Variants in PZP observed in about 807,000 individuals in gnomAD.
PZP encodes pregnancy zone protein.
Under a neutral mutation model 179.8 loss-of-function variants are expected in PZP, and 150 were observed. The observed-to-expected ratio is 0.83, with a 90% CI of 0.73 to 0.96. The LOEUF is 0.96. Ranked by LOEUF, PZP falls within the 40% of genes least tolerant of loss-of-function variation. PZP has a pLI of 0.00. For missense variants in PZP, 1,689 were observed against 1,764.0 expected, an observed-to-expected ratio of 0.96 and a Z score of 0.76; for synonymous variants, 624 against 652.3, an observed-to-expected ratio of 0.96 and a Z score of 0.66.
At chr12:9,167,157 T>C (rs1941644517) in intron 17 of PZP, 1 of 152,246 alleles carries the variant, frequency 6.6e-6, no homozygotes, top group South Asian at 2.1e-4. Context: ...TTCACTCTTA[T>C]CTTAAATATT....
chr12:9,187,762 G>A (rs10771404), intron 13 of PZP, among the ~76,000 whole-genome samples: 85,237 of 152,040 alleles, frequency 0.56, 23,936 homozygotes, highest in Admixed American at 0.63. Context: ...CATCACAACT[G>A]AAAGAACTAG....
At chr12:9,204,072 T>G in intron 1 of PZP, 121 bp from the exon 2 acceptor site, 4 of 1,019,964 alleles carry the variant, frequency 3.9e-6, no homozygotes, top group Non-Finnish European at 5.7e-6. Context: ...TAAAAGTCAA[T>G]GGACTAAGTC....
chr12:9,197,093 A>G lies in PZP; in HGVS notation c.786T>C (p.Leu262=), dbSNP rs145225152. 1.3e-4 allele frequency: 217 copies of G among 1,613,156 alleles called. No homozygotes were observed. The highest frequency in any genetic ancestry group is 8.2e-4 in the Middle Eastern group (5 of 6,076). ...EYTYGKPVPG[L]ATVSLCRKLS... is the part of the protein sequence containing the mutation. Reference sequence around the variant, plus strand: ...ATTTTCTACACAGGCTCACAGTTGCAAGTCCTGGGACAGGCTTCCCATAAG... The same window carrying G: ...ATTTTCTACACAGGCTCACAGTTGCGAGTCCTGGGACAGGCTTCCCATAAG... Residue 262 remains leucine, a synonymous_variant, in exon 8 of 36, where the codon CTT becomes CTC. Coordinates refer to ENST00000261336, the MANE Select transcript of PZP (RefSeq NM_002864.3).
intron 15 of PZP, among the ~76,000 whole-genome samples, chr12:9,173,668 C>T (rs774776181): frequency 3.3e-5 from 5 of 152,132 alleles, no homozygotes; most frequent in East Asian, 1.9e-4. Flanking sequence ...CTCACAGAAA[C>T]GCAAACAACC....
intron 25 of PZP, among the ~76,000 whole-genome samples, chr12:9,159,651 G>A (rs542586736): frequency 4.0e-5 from 6 of 151,790 alleles, no homozygotes; most frequent in Non-Finnish European, 8.8e-5. Flanking sequence ...AAGAAAAGAA[G>A]AGAAGGAGAG....
chr12:9,198,294 G>A (rs1943953719), intron 7 of PZP, among the ~76,000 whole-genome samples: 1 of 152,048 alleles, frequency 6.6e-6, no homozygotes, highest in Non-Finnish European at 1.5e-5. Flanking sequence ...TGAGGCTACA[G>A]TGAGCTAAGA....
At chr12:9,204,981 C>T (rs10843144) in intron 1 of PZP, among the ~76,000 whole-genome samples, 51,897 of 151,650 alleles carry the variant, frequency 0.34, 8,872 homozygotes, top group East Asian at 0.44. Flanking sequence ...GCTGTAGTAG[C>T]AGTTACTCAG....
At chr12:9,137,260 T>C in the PZP span, among the ~76,000 whole-genome samples, 18 of 152,198 alleles carry the variant, frequency 1.2e-4, no homozygotes, top group Non-Finnish European at 2.2e-4. Flanking sequence ...TATACAGTTT[T>C]CTCCACACCA....
chr12:9,185,790 A>AATTCTTTTCTTTTCTTTTCTTTTCT (rs1943062751), intron 13 of PZP, among the ~76,000 whole-genome samples: 7 of 134,320 alleles, frequency 5.2e-5, no homozygotes, highest in Non-Finnish European at 1.1e-4. Context: ...TATGTTCAAC[A>AATTCTTTTCTTTTCTTTTCTTTTCT]TTTCTTTTCT....
In PZP at chr12:9,153,266, G is replaced by A. The variant is rs1247640434; in HGVS notation, c.3852C>T (p.Val1284=). 6.2e-7 allele frequency: 1 copy of A among 1,614,164 alleles called. No homozygotes were observed. Among genetic ancestry groups the A allele is most frequent in the East Asian group, 2.2e-5 (1 of 44,884 alleles). ...TFTRTEKTAQ[V]TVQDSQTFST... is the part of the protein sequence containing the mutation. ...AAAAGGTCTGTGAATCCTGAACGGT[G>A]ACCTGTGCAGTTTTCTCAGTTCTGG... The change falls in exon 30 of 36, where the codon GTC becomes GTT. Residue 1284 remains valine, a synonymous_variant. Coordinates refer to ENST00000261336, the MANE Select transcript of PZP (RefSeq NM_002864.3).
rs1648957722 is a variant in PZP, at chr12:9,154,627, A to G, written c.3763T>C (p.Ser1255Pro). The change falls in exon 29 of 36, where the codon TCC (serine) becomes CCC (proline). Residue 1255 changes from serine to proline, a missense_variant. Ser to Pro is a moderately conservative substitution (Grantham distance 74). Around this residue, in one of 3 missense-constraint regions of PZP, gnomAD observed 746 missense variants for 749.2 expected, o/e 1.00. Coordinates refer to ENST00000261336, the MANE Select transcript of PZP (RefSeq NM_002864.3). Reference sequence around the variant, plus strand: ...TGGGAACCACTGACCTGGGTGGAGGAGAAACCACCTTGGGCGTTCTGCTGC... The same window carrying G: ...TGGGAACCACTGACCTGGGTGGAGGGGAAACCACCTTGGGCGTTCTGCTGC... ...MKQQNAQGGFSSTQDTVVALH... is the reference protein window; with the variant it reads ...MKQQNAQGGFPSTQDTVVALH... 21 of 1,614,056 alleles carry G rather than the reference A, an allele frequency of 1.3e-5. No homozygotes were observed. The highest frequency in any genetic ancestry group is 1.8e-5 in the Non-Finnish European group (21 of 1,180,034).
Position 9,161,949 on chromosome 12 carries a change from T to G in PZP, c.2788+648A>C, listed in dbSNP as rs749034351. 2.6e-5 allele frequency among the ~76,000 whole-genome samples: 4 copies of G among 152,002 alleles called. No homozygotes were observed. The South Asian group carries it at 8.3e-4, about 32-fold the overall frequency. On this transcript the variant is annotated intron_variant, in intron 22 of 35. Transcript: ENST00000261336. ...TATCATGACCCTGCTGTCTTTAGTT[T>G]TTGTTGTTGTTGTTGTTTGCTTGTT...
chr12:9,166,600 T>C (rs1459264432), intron 17 of PZP, among the ~76,000 whole-genome samples: 1 of 152,126 alleles, frequency 6.6e-6, no homozygotes, highest in African/African-American at 2.4e-5. Flanking sequence ...AAAAATGAAA[T>C]TACCAGTGGA....
intron 13 of PZP, among the ~76,000 whole-genome samples, chr12:9,187,331 A>G (rs1943190173): frequency 6.6e-6 from 1 of 152,176 alleles, no homozygotes; most frequent in African/African-American, 2.4e-5. Context: ...ACCCAAATGG[A>G]TCTGATAGAC....
At chr12:9,194,006 A>G (rs1464308021) in intron 11 of PZP, 71 bp downstream of exon 11, 10 of 1,378,552 alleles carry the variant, frequency 7.3e-6, no homozygotes, top group Non-Finnish European at 6.0e-6. Flanking sequence ...TGCAATCTGT[A>G]CATTTCTTCT....
chr12:9,168,010 G>T (rs1941713288), intron 17 of PZP, among the ~76,000 whole-genome samples: 1 of 152,082 alleles, frequency 6.6e-6, no homozygotes, highest in African/African-American at 2.4e-5. Context: ...CCTTTAAAAG[G>T]TGTCATTTTC....
At chr12:9,151,530 G>A (rs952356741) in intron 33 of PZP, 74 bp downstream of exon 33, 26 of 1,235,792 alleles carry the variant, frequency 2.1e-5, no homozygotes, top group Admixed American at 7.7e-5. Context: ...TCATGTTACC[G>A]ACTATTCTAG....
At chr12:9,203,743 A>T (rs1592573079) in intron 2 of PZP, 25 bp downstream of exon 2, 1 of 1,612,962 alleles carries the variant, frequency 6.2e-7, no homozygotes, top group African/African-American at 1.3e-5. Context: ...AAGCAGGGAT[A>T]GCCAGCTGGC....
At chr12:9,173,847 A>G (rs1048200861) in intron 15 of PZP, among the ~76,000 whole-genome samples, 2 of 152,204 alleles carry the variant, frequency 1.3e-5, no homozygotes, top group African/African-American at 4.8e-5. Context: ...TAATCTACCA[A>G]CCAAAAAAAG....
Sources: gnomAD v4.1 joint callset for allele counts (sites outside exome capture counted in the v4.1 genomes callset) on GRCh38, gnomAD v4.1.1 for gene constraint, gnomAD v4.1.1 regional missense constraint, MANE v1.5 for transcripts, NCBI Gene and HGNC (gene_info 2026-07-23, HGNC 2026-07-21) for gene names.